AP3D1: variants seen among roughly 807,000 people sequenced by gnomAD.
AP3D1 encodes adaptor related protein complex 3 subunit delta 1, also known as AP-3 complex subunit delta-1.
In AP3D1, 51 loss-of-function variants were observed where a neutral mutation model predicts 147.6. The ratio of observed to expected loss-of-function variants is 0.35; its 90% CI spans 0.28 to 0.44. The LOEUF (loss-of-function observed/expected upper bound fraction) is 0.44, where lower values mean the gene tolerates loss of function less well. AP3D1 is among the 20% of genes least tolerant of loss of function. The pLI, the probability that AP3D1 is intolerant of heterozygous loss-of-function variation, is 1.00. For missense variants in AP3D1, 1,421 were observed against 1,624.2 expected, an observed-to-expected ratio of 0.87 and a Z score of 2.15; for synonymous variants, 760 against 663.0, an observed-to-expected ratio of 1.15 and a Z score of -2.25.
chr19:2,161,816 G>A (rs1012302211), intron 1 of AP3D1, among the ~76,000 whole-genome samples: 3 of 151,952 alleles, frequency 2.0e-5, no homozygotes, highest in African/African-American at 7.3e-5. Context: ...GGGCACAATA[G>A]TGGGCACTTA....
chr19:2,121,903 G>GT (rs2018623082), intron 11 of AP3D1, 24 bp from the exon 12 acceptor site: 2 of 1,589,688 alleles, frequency 1.3e-6, no homozygotes, highest in African/African-American at 2.7e-5. Flanking sequence ...CCAGAGCCGG[G>GT]TCACTGGGAC....
At position 2,110,655 on chromosome 19, in the gene AP3D1, C is replaced by T. The variant is rs1387631701; in HGVS notation, c.3175+52G>A. The T allele has an allele frequency of 1.0e-5, 15 of 1,490,210 alleles. 1 individual carries two copies. The East Asian group carries it at 3.5e-4, about 34-fold the overall frequency. The allele number at this position is 1,490,210 out of a possible 1,614,324, so 92.3% of individuals were successfully genotyped here. A position where few individuals can be genotyped will look rare whatever the true frequency, so the allele number is the denominator to read the frequency against. ...AGCGGATCCGGGCAGTCACCAGCTG[C>T]CACTGCGCTCCCACAGTCCCCAGGA... On this transcript the variant is annotated intron_variant, in intron 27 of 31. Coordinates refer to ENST00000643116, the MANE Select transcript of AP3D1 (RefSeq NM_001261826.3).
At chr19:2,102,797 A>C (rs1204708154) in intron 31 of AP3D1, among the ~76,000 whole-genome samples, 1 of 151,354 alleles carries the variant, frequency 6.6e-6, no homozygotes, top group East Asian at 1.9e-4. Context: ...AAAATAAAAA[A>C]TGTGCCGGGC....
chr19:2,131,406 G>A (rs1225238165), intron 5 of AP3D1, among the ~76,000 whole-genome samples: 4 of 149,864 alleles, frequency 2.7e-5, no homozygotes, highest in Admixed American at 6.7e-5. Context: ...CGGGGACAGC[G>A]CCCATCGGCC....
intron 6 of AP3D1, among the ~76,000 whole-genome samples, 190 bp from the exon 7 acceptor site, chr19:2,129,647 G>A (rs1478066480): frequency 2.6e-5 from 4 of 152,220 alleles, no homozygotes; most frequent in African/African-American, 9.7e-5. Context: ...ACAGGCCACA[G>A]CAGCCAGCTC....
chr19:2,144,530 GC>G (rs1246671727), intron 1 of AP3D1, among the ~76,000 whole-genome samples: 1 of 152,160 alleles, frequency 6.6e-6, no homozygotes, highest in Non-Finnish European at 1.5e-5. Context: ...TCCAGCCCCA[GC>G]CCGTCTCTGT....
In AP3D1 at chr19:2,102,765, AAATAAATAAAT is replaced by A. The variant is rs2017993799; in HGVS notation, c.3553-508_3553-498del. On this transcript the variant is annotated intron_variant, in intron 31 of 31. Coordinates refer to ENST00000643116, the MANE Select transcript of AP3D1 (RefSeq NM_001261826.3). The stretch of plus-strand genomic sequence containing the variant: ...TAAATAAATAAATAAATAAATAAAT[AAATAAATAAAT>A]AAATAAAATAAAAATAAAAAATGTG... 2.0e-5 allele frequency among the ~76,000 whole-genome samples: 3 copies of A among 147,112 alleles called. 1 individual carries two copies. The South Asian group carries it at 6.4e-4, about 31-fold the overall frequency.
intron 1 of AP3D1, among the ~76,000 whole-genome samples, chr19:2,160,994 C>T (rs1225334273): frequency 6.6e-6 from 1 of 151,940 alleles, no homozygotes; most frequent in Non-Finnish European, 1.5e-5. Context: ...CAAGAGCCCC[C>T]AAGAGACTGC....
chr19:2,144,024 T>G (rs944993879), intron 1 of AP3D1, among the ~76,000 whole-genome samples: 1 of 149,686 alleles, frequency 6.7e-6, no homozygotes, highest in Non-Finnish European at 1.5e-5. Context: ...AGGCAGACGT[T>G]GCGGTGAGCC....
At chr19:2,138,487 CCT>C in intron 2 of AP3D1, 130 bp downstream of exon 2, 5 of 735,596 alleles carry the variant, frequency 6.8e-6, no homozygotes, top group Admixed American at 2.0e-5. Context: ...CTGGGTTGGC[CCT>C]GAGTGGCTCA....
chr19:2,120,761 G>T, intron 14 of AP3D1, 101 bp downstream of exon 14: 1 of 1,219,878 alleles, frequency 8.2e-7, no homozygotes. Flanking sequence ...GGGTGGCAGG[G>T]CGATGGGAGA....
intron 1 of AP3D1, among the ~76,000 whole-genome samples, chr19:2,163,484 G>A (rs1472794058): frequency 2.9e-5 from 4 of 136,008 alleles, no homozygotes; most frequent in South Asian, 4.7e-4. Context: ...GAATCACCGC[G>A]CCTGGCCTTT....
chr19:2,163,732 G>T (rs1488134773), intron 1 of AP3D1, among the ~76,000 whole-genome samples: 1 of 151,944 alleles, frequency 6.6e-6, no homozygotes, highest in Non-Finnish European at 1.5e-5. Flanking sequence ...AGTGGGGGAA[G>T]GGGTCGGCCG....
intron 1 of AP3D1, among the ~76,000 whole-genome samples, chr19:2,139,915 T>C (rs1322677473): frequency 1.4e-5 from 2 of 146,112 alleles, no homozygotes; most frequent in African/African-American, 5.0e-5. Context: ...CACCCCAACC[T>C]CGGCTGCCAG....
At chr19:2,120,817 G>A (rs754641228) in intron 14 of AP3D1, 45 bp downstream of exon 14, 4 of 1,572,010 alleles carry the variant, frequency 2.5e-6, no homozygotes, top group Non-Finnish European at 3.5e-6. Flanking sequence ...CTACCCCTCA[G>A]AAGCTTGGAG....
At position 2,131,733 on chromosome 19, in the gene AP3D1, C is replaced by T. The variant is rs112880664; in HGVS notation, c.462+738G>A. 1.1e-3 allele frequency among the ~76,000 whole-genome samples: 72 copies of T among 68,288 alleles called. 4 individuals carry two copies. The highest frequency in any genetic ancestry group is 2.5e-3 in the East Asian group (6 of 2,414). The allele number at this position is 68,288 out of a possible 152,430, so 44.8% of individuals were successfully genotyped here. A position where few individuals can be genotyped will look rare whatever the true frequency, so the allele number is the denominator to read the frequency against. On this transcript the variant is annotated intron_variant, in intron 5 of 31. Coordinates refer to ENST00000643116, the MANE Select transcript of AP3D1 (RefSeq NM_001261826.3). Reference sequence around the variant, plus strand: ...GGCGGACAGGCAGCCACGCGGGGACCGCGCCCATCGGCCACGATCTAGACA... The same window carrying T: ...GGCGGACAGGCAGCCACGCGGGGACTGCGCCCATCGGCCACGATCTAGACA...
In AP3D1 at chr19:2,102,028, G is replaced by C; in HGVS notation, c.*145C>G. The C allele has an allele frequency of 1.6e-6, 1 of 642,820 alleles. No homozygotes were observed. The highest frequency in any genetic ancestry group is 2.7e-6 in the Non-Finnish European group (1 of 366,318). The allele number at this position is 642,820 out of a possible 1,614,324, so 39.8% of individuals were successfully genotyped here. On this transcript the variant is annotated 3_prime_UTR_variant, in exon 32 of 32. Coordinates refer to ENST00000643116, the MANE Select transcript of AP3D1 (RefSeq NM_001261826.3). ...ATAATTCAACGCAACAAATGACCTCGGATGTCTACACGGCGGACAACATAG... is the reference window on the plus strand; with the variant it reads ...ATAATTCAACGCAACAAATGACCTCCGATGTCTACACGGCGGACAACATAG...
intron 1 of AP3D1, among the ~76,000 whole-genome samples, chr19:2,161,100 G>C (rs1168151372): frequency 6.6e-6 from 1 of 151,792 alleles, no homozygotes; most frequent in Non-Finnish European, 1.5e-5. Context: ...GTGAGTCCTA[G>C]GACCCCCAGG....
chr19:2,121,925 G>A, intron 11 of AP3D1, 46 bp from the exon 12 acceptor site: 1 of 1,569,258 alleles, frequency 6.4e-7, no homozygotes, highest in East Asian at 2.3e-5. Context: ...GACACAGGCA[G>A]CAGGGTGCAG....
Sources: gnomAD v4.1 joint callset for allele counts (sites outside exome capture counted in the v4.1 genomes callset) on GRCh38, gnomAD v4.1.1 for gene constraint, MANE v1.5 for transcripts, NCBI Gene and HGNC (gene_info 2026-07-23, HGNC 2026-07-21) for gene names.